APOLD1: variants seen among roughly 807,000 people sequenced by gnomAD.
APOLD1 encodes apolipoprotein L domain-containing protein 1.
In APOLD1, 22 loss-of-function variants were observed where a neutral mutation model predicts 15.3. The observed-to-expected ratio is 1.44, with a 90% CI of 1.03 to 2.05. The LOEUF is 2.05. APOLD1 is among the 30% of genes most tolerant of loss of function. The probability of loss-of-function intolerance (pLI) is 0.00; values close to 1 mark genes in which losing one functional copy is unlikely to be tolerated. For missense variants in APOLD1, 394 were observed against 353.5 expected, an observed-to-expected ratio of 1.11 and a Z score of -0.92; for synonymous variants, 190 against 167.4, an observed-to-expected ratio of 1.13 and a Z score of -1.04.
intron 1 of APOLD1, among the ~76,000 whole-genome samples, chr12:12,726,713 A>G (rs201823855): frequency 2.5e-3 from 374 of 152,246 alleles, no homozygotes; most frequent in African/African-American, 8.5e-3. Flanking sequence ...AACTCCCCCA[A>G]TCCTTCTTAG....
chr12:12,733,516 T>C (rs1024602958), intron 1 of APOLD1, among the ~76,000 whole-genome samples: 1 of 152,246 alleles, frequency 6.6e-6, no homozygotes, highest in Non-Finnish European at 1.5e-5. Flanking sequence ...GGCAGGATTA[T>C]GAAGAGACTT....
chr12:12,727,962 A>G (rs967194098), intron 1 of APOLD1, among the ~76,000 whole-genome samples: 1 of 150,438 alleles, frequency 6.6e-6, no homozygotes, highest in African/African-American at 2.5e-5. Flanking sequence ...TCTTTAATTA[A>G]TTAATTAATT....
In APOLD1 at chr12:12,786,990, G is replaced by C; in HGVS notation, c.85G>C (p.Gly29Arg). Residue 29 changes from glycine to arginine, a missense_variant, in exon 2 of 2, where the codon GGC becomes CGC. Gly to Arg is a moderately radical substitution (Grantham distance 125). Coordinates refer to ENST00000356591, the MANE Select transcript of APOLD1 (RefSeq NM_030817.3). ...CCAGGGACTGCTGCTGGACCGCCGA[G>C]GCCGGCTGCACGGCCAGGTGCTGCG... ...RFQGLLLDRR[G>R]RLHGQVLRLR... 7.0e-7 allele frequency: 1 copy of C among 1,424,412 alleles called. No individual in the cohort carries two copies. Among genetic ancestry groups the C allele is most frequent in the Non-Finnish European group, 9.1e-7 (1 of 1,100,376 alleles). 88.2% of individuals were successfully genotyped at this position (1,424,412 alleles called of 1,614,324 possible).
intron 1 of APOLD1, among the ~76,000 whole-genome samples, chr12:12,776,820 T>C (rs1947039132): frequency 6.6e-6 from 1 of 152,218 alleles, no homozygotes; most frequent in Non-Finnish European, 1.5e-5. Context: ...AATCATATTA[T>C]ATTGAATTAA....
intron 1 of APOLD1, among the ~76,000 whole-genome samples, chr12:12,746,510 A>AATAAATAAATAAAAAATAC (rs57489224): frequency 6.7e-6 from 1 of 149,838 alleles, no homozygotes; most frequent in Admixed American, 6.7e-5. Context: ...TAAATAAATA[A>AATAAATAAATAAAAAATAC]ATAAATACAT....
At chr12:12,779,339 A>T (rs1253799050) in intron 1 of APOLD1, among the ~76,000 whole-genome samples, 1 of 152,104 alleles carries the variant, frequency 6.6e-6, no homozygotes, top group Non-Finnish European at 1.5e-5. Flanking sequence ...CAGGGACTAT[A>T]TCTTATTTAG....
At chr12:12,734,142 T>C (rs1349816794) in intron 1 of APOLD1, among the ~76,000 whole-genome samples, 1 of 152,200 alleles carries the variant, frequency 6.6e-6, no homozygotes, top group Non-Finnish European at 1.5e-5. Flanking sequence ...AAATGAGGTA[T>C]AAATATTATC....
chr12:12,733,121 C>T (rs1592288267), intron 1 of APOLD1, among the ~76,000 whole-genome samples: 1 of 150,930 alleles, frequency 6.6e-6, no homozygotes, highest in Non-Finnish European at 1.5e-5. Flanking sequence ...TGAGACCAGC[C>T]TGGGCAACGT....
chr12:12,758,377 C>G (rs559053147), intron 1 of APOLD1, among the ~76,000 whole-genome samples: 1 of 151,784 alleles, frequency 6.6e-6, no homozygotes, highest in Admixed American at 6.6e-5. Flanking sequence ...AAACCTTGTC[C>G]GTACTAAAAA....
chr12:12,748,660 TA>T lies in APOLD1; in HGVS notation c.96+22565del, dbSNP rs557166734. Among the ~76,000 whole-genome samples the T allele has an allele frequency of 2.4e-3, 358 of 146,430 alleles. 1 individual carries two copies. The highest frequency in any genetic ancestry group is 8.7e-3 in the African/African-American group (344 of 39,434). ...ATATATAATTATGGGTTTTTTTTTT[TA>T]GGCCTAAGGAATTCCACAGAAAAAG... On this transcript the variant is annotated intron_variant, in intron 1 of 1. Coordinates refer to the APOLD1 transcript ENST00000326765.
intron 1 of APOLD1, among the ~76,000 whole-genome samples, chr12:12,766,193 T>TC (rs1284560600): frequency 6.6e-6 from 1 of 152,212 alleles, no homozygotes; most frequent in Non-Finnish European, 1.5e-5. Context: ...ATATTTCAGT[T>TC]CCAGTCATTG....
chr12:12,727,596 A>C (rs2136364424), intron 1 of APOLD1, among the ~76,000 whole-genome samples: 1 of 151,728 alleles, frequency 6.6e-6, no homozygotes, highest in Admixed American at 6.6e-5. Context: ...TTATTTATTT[A>C]TTTATTCTTC....
At chr12:12,785,810 C>T in intron 1 of APOLD1, 116 bp downstream of exon 1, 2 of 1,029,238 alleles carry the variant, frequency 1.9e-6, no homozygotes, top group South Asian at 2.6e-5. Flanking sequence ...AAAATTAAGT[C>T]CTGTGAATAA....
upstream of APOLD1, chr12:12,785,583 A>C (rs953245612): frequency 4.9e-5 from 78 of 1,606,842 alleles, no homozygotes; most frequent in Non-Finnish European, 6.5e-5. Flanking sequence ...GCAAATTCTC[A>C]GAATGAGACA....
chr12:12,740,535 C>G (rs1297946169), intron 1 of APOLD1, among the ~76,000 whole-genome samples: 1 of 152,184 alleles, frequency 6.6e-6, no homozygotes, highest in African/African-American at 2.4e-5. Flanking sequence ...AATCTGAACC[C>G]CAGTAGTTGA....
chr12:12,744,215 A>G (rs1028060398), intron 1 of APOLD1, among the ~76,000 whole-genome samples: 21 of 151,764 alleles, frequency 1.4e-4, no homozygotes, highest in African/African-American at 5.1e-4. Flanking sequence ...AGGCTGAGGC[A>G]GGAGGATCAC....
At chr12:12,761,351 T>G (rs758366155) in intron 1 of APOLD1, among the ~76,000 whole-genome samples, 4 of 152,218 alleles carry the variant, frequency 2.6e-5, no homozygotes, top group Non-Finnish European at 4.4e-5. Context: ...ATTAATGGTC[T>G]AAACATGCTT....
intron 1 of APOLD1, among the ~76,000 whole-genome samples, chr12:12,736,200 A>G (rs183882427): frequency 6.6e-6 from 1 of 152,126 alleles, no homozygotes; most frequent in Non-Finnish European, 1.5e-5. Flanking sequence ...AAATACAAAA[A>G]ATTAGGTGAG....
intron 1 of APOLD1, among the ~76,000 whole-genome samples, chr12:12,757,555 A>G (rs1324771718): frequency 6.6e-6 from 1 of 152,194 alleles, no homozygotes; most frequent in East Asian, 1.9e-4. Context: ...TGTGACTGCC[A>G]ATCAGATCAA....
Sources: gnomAD v4.1 joint callset for allele counts (sites outside exome capture counted in the v4.1 genomes callset) on GRCh38, gnomAD v4.1.1 for gene constraint, MANE v1.5 for transcripts, NCBI Gene and HGNC (gene_info 2026-07-23, HGNC 2026-07-21) for gene names.